Variants in ST6GAL2 observed in about 807,000 individuals in gnomAD.
The protein encoded by ST6GAL2 is beta-galactoside alpha-2,6-sialyltransferase 2.
In ST6GAL2, 24 loss-of-function variants were observed where a neutral mutation model predicts 37.5. The ratio of observed to expected loss-of-function variants is 0.64; its 90% CI spans 0.46 to 0.90. The LOEUF is 0.90. ST6GAL2 is among the 40% of genes least tolerant of loss of function. The pLI, the probability that ST6GAL2 is intolerant of heterozygous loss-of-function variation, is 0.00. For synonymous variants in ST6GAL2, 306 were observed against 295.1 expected (o/e 1.04, Z -0.38); for missense variants, 715 against 712.7 (o/e 1.00, Z -0.04).
Position 106,843,441 on chromosome 2 carries a change from C to A in ST6GAL2, c.537G>T (p.Arg179Ser). 1 of 1,614,144 alleles carries A rather than the reference C, an allele frequency of 6.2e-7. No individual in the cohort carries two copies. Among genetic ancestry groups the A allele is most frequent in the Middle Eastern group, 1.6e-4 (1 of 6,062 alleles). ...QRRRVKKRHRRQRRSHVLEEG... is the reference protein window; with the variant it reads ...QRRRVKKRHRSQRRSHVLEEG... ...CCTCCAACACGTGGCTCCTTCTCTG[C>A]CTCCGGTGCCTCTTCTTCACCCGCC... The change falls in exon 2 of 6, where the codon AGG becomes AGT. Residue 179 changes from arginine to serine, a missense_variant. This residue lies in a region of ST6GAL2 where 512 missense variants were observed against 488.8 expected (regional missense o/e 1.05). Transcript: ENST00000409382.
chr2:106,874,525 G>C (rs1218172385), intron 1 of ST6GAL2, among the ~76,000 whole-genome samples: 2 of 150,452 alleles, frequency 1.3e-5, no homozygotes, highest in East Asian at 1.9e-4. Flanking sequence ...CAGCACAATC[G>C]AGCTTAAGGT....
chr2:106,846,875 C>T (rs2377686), intron 1 of ST6GAL2, among the ~76,000 whole-genome samples: 91,618 of 152,004 alleles, frequency 0.6, 28,978 homozygotes, highest in Non-Finnish European at 0.73. Flanking sequence ...TTTCCAGCAT[C>T]GAATTAGATA....
chr2:106,880,225 T>C (rs1236545431), intron 1 of ST6GAL2, among the ~76,000 whole-genome samples: 2 of 152,166 alleles, frequency 1.3e-5, no homozygotes, highest in African/African-American at 2.4e-5. Context: ...TTTGCCTATG[T>C]CTATAGTGAT....
chr2:106,873,964 A>G (rs1678387237), intron 1 of ST6GAL2, among the ~76,000 whole-genome samples: 1 of 151,946 alleles, frequency 6.6e-6, no homozygotes, highest in Non-Finnish European at 1.5e-5. Context: ...AATCCAACCT[A>G]CTCTCTTTTG....
intron 5 of ST6GAL2, chr2:106,813,215 A>G: frequency 7.3e-7 from 1 of 1,366,340 alleles, no homozygotes; most frequent in Non-Finnish European, 9.5e-7. Context: ...GCCAATTTTT[A>G]CAAATGAGCC....
intron 5 of ST6GAL2, among the ~76,000 whole-genome samples, chr2:106,808,535 A>G (rs1045553371): frequency 2.6e-5 from 4 of 152,094 alleles, no homozygotes; most frequent in East Asian, 1.9e-4. Flanking sequence ...TCCTTCTTCC[A>G]TGGCTGCCTG....
At chr2:106,810,543 A>G (rs1317427796) in intron 5 of ST6GAL2, among the ~76,000 whole-genome samples, 2 of 152,214 alleles carry the variant, frequency 1.3e-5, no homozygotes, top group Non-Finnish European at 2.9e-5. Context: ...GGAGCATCCT[A>G]AAATTAAACA....
intron 1 of ST6GAL2, among the ~76,000 whole-genome samples, chr2:106,879,331 AC>A (rs1333666814): frequency 1.1e-4 from 17 of 152,214 alleles, no homozygotes; most frequent in Non-Finnish European, 1.5e-5. Flanking sequence ...GATTTAACTT[AC>A]GGAAGCAATC....
intron 5 of ST6GAL2, among the ~76,000 whole-genome samples, chr2:106,810,099 A>G (rs906648220): frequency 6.6e-6 from 1 of 152,184 alleles, no homozygotes; most frequent in Non-Finnish European, 1.5e-5. Context: ...CATCCTTGCT[A>G]TCCTCTTAGA....
At chr2:106,869,778 G>A (rs1254788418) in intron 1 of ST6GAL2, among the ~76,000 whole-genome samples, 2 of 152,176 alleles carry the variant, frequency 1.3e-5, no homozygotes, top group Non-Finnish European at 2.9e-5. Flanking sequence ...GCTCCAAGGG[G>A]ACACCTGTTG....
At chr2:106,858,008 A>C (rs1433255149) in intron 1 of ST6GAL2, among the ~76,000 whole-genome samples, 1 of 152,216 alleles carries the variant, frequency 6.6e-6, no homozygotes, top group Non-Finnish European at 1.5e-5. Flanking sequence ...TCTACCTCTG[A>C]GGACTAGCTT....
rs1163734575 is a variant in ST6GAL2, at chr2:106,832,056, C to T, written c.1143+509G>A. 3.3e-5 allele frequency among the ~76,000 whole-genome samples: 5 copies of T among 152,274 alleles called. No individual in the cohort carries two copies. In the East Asian group the frequency reaches 9.7e-4, roughly 29 times the overall value. ...ATGGCTAGCAATAAACTTGTTTCAG[C>T]CCTATTGCATAAAATTCAACAGATT... On this transcript the variant is annotated intron_variant, in intron 4 of 5. Transcript: ENST00000409382.
Position 106,806,425 on chromosome 2 carries a change from C to T in ST6GAL2, c.*253G>A, listed in dbSNP as rs1675415435. 2 of 467,594 alleles carry T rather than the reference C, an allele frequency of 4.3e-6. No homozygotes were observed. The highest frequency in any genetic ancestry group is 3.8e-6 in the Non-Finnish European group (1 of 261,958). 29.0% of individuals were successfully genotyped at this position (467,594 alleles called of 1,614,324 possible). The stretch of plus-strand genomic sequence containing the variant: ...TGGAGGTATCATACCCATGGTCATA[C>T]ATGTGTTTTCTTTCTAGCTATCCTT... On this transcript the variant is annotated 3_prime_UTR_variant, in exon 6 of 6. Coordinates refer to ENST00000409382, the MANE Select transcript of ST6GAL2 (RefSeq NM_001142351.2).
intron 1 of ST6GAL2, among the ~76,000 whole-genome samples, chr2:106,846,034 TC>T (rs1558704859): frequency 4.3e-5 from 2 of 46,736 alleles, no homozygotes; most frequent in African/African-American, 1.3e-4. Context: ...CCCAAGCTGT[TC>T]CAGCCGTCCC....
intron 1 of ST6GAL2, among the ~76,000 whole-genome samples, chr2:106,878,112 C>T (rs867133171): frequency 5.9e-5 from 9 of 152,330 alleles, no homozygotes; most frequent in African/African-American, 1.4e-4. Context: ...CCACCCACCA[C>T]GACTCAAAAA....
intron 1 of ST6GAL2, among the ~76,000 whole-genome samples, chr2:106,884,928 T>TACACAC (rs1185755842): frequency 2.4e-5 from 3 of 123,778 alleles, no homozygotes; most frequent in African/African-American, 1.0e-4. Context: ...TATATATATA[T>TACACAC]ATATATACAT....
intron 1 of ST6GAL2, among the ~76,000 whole-genome samples, chr2:106,864,108 A>T (rs1342389918): frequency 6.6e-6 from 1 of 152,230 alleles, no homozygotes; most frequent in Non-Finnish European, 1.5e-5. Context: ...GGGCAACCGC[A>T]TTCCACAGAA....
At chr2:106,857,827 T>C (rs1677639750) in intron 1 of ST6GAL2, among the ~76,000 whole-genome samples, 1 of 152,112 alleles carries the variant, frequency 6.6e-6, no homozygotes, top group African/African-American at 2.4e-5. Context: ...CGAAGGAGGT[T>C]GTGGGGTGAC....
In ST6GAL2 at chr2:106,801,782, A is replaced by T. The variant is rs1313805162; in HGVS notation, c.*4896T>A. ...GTTTGAAGAGTACACATTTCATTTTAAAAATTATCATACAAAAGAATTCCC... is the reference window on the plus strand; with the variant it reads ...GTTTGAAGAGTACACATTTCATTTTTAAAATTATCATACAAAAGAATTCCC... On this transcript the variant is annotated 3_prime_UTR_variant, in exon 6 of 6. Transcript: ENST00000409382. 1.3e-5 allele frequency: 2 copies of T among 152,246 alleles called. No homozygotes were observed. The highest frequency in any genetic ancestry group is 1.3e-4 in the Admixed American group (2 of 15,288). 9.4% of individuals were successfully genotyped at this position (152,246 alleles called of 1,614,324 possible). A position where few individuals can be genotyped will look rare whatever the true frequency, so the allele number is the denominator to read the frequency against.
Sources: gnomAD v4.1 joint callset for allele counts (sites outside exome capture counted in the v4.1 genomes callset) on GRCh38, gnomAD v4.1.1 for gene constraint, gnomAD v4.1.1 regional missense constraint, MANE v1.5 for transcripts, NCBI Gene and HGNC (gene_info 2026-07-23, HGNC 2026-07-21) for gene names.